Variants in UBN2 observed in about 807,000 individuals in gnomAD.
UBN2 encodes ubinuclein-2.
Under a neutral mutation model 120.2 loss-of-function variants are expected in UBN2, and 35 were observed. The observed-to-expected ratio is 0.29, with a 90% CI of 0.22 to 0.39. The LOEUF (loss-of-function observed/expected upper bound fraction) is 0.39. Among genes scored for constraint, UBN2 ranks in the 10% least tolerant of loss-of-function variants. UBN2 has a pLI of 1.00. For missense variants in UBN2, 1,693 were observed against 1,663.2 expected (o/e 1.02, Z -0.31); for synonymous variants, 661 against 648.7 (o/e 1.02, Z -0.29).
chr7:139,237,546 C>T (rs755888039), intron 2 of UBN2, among the ~76,000 whole-genome samples: 9 of 152,038 alleles, frequency 5.9e-5, no homozygotes, highest in African/African-American at 9.7e-5. Context: ...TCCATCCTGC[C>T]AAGTAGCCAT....
chr7:139,276,516 C>G (rs1334650499), intron 12 of UBN2: 1 of 244,966 alleles, frequency 4.1e-6, no homozygotes, highest in East Asian at 1.1e-4. Context: ...GATCCATATG[C>G]ACACCCACCC....
At chr7:139,273,703 A>G (rs1797357679) in intron 10 of UBN2, among the ~76,000 whole-genome samples, 1 of 152,192 alleles carries the variant, frequency 6.6e-6, no homozygotes, top group African/African-American at 2.4e-5. Context: ...ATCTTTCTCA[A>G]TAGTATTTCT....
At position 139,304,329 on chromosome 7, in the gene UBN2, A is replaced by C. The variant is rs1259668036; in HGVS notation, c.*6493A>C. ...CTTTCTAACTGGGTCGGGGTGGGGA[A>C]GGTCAGGGTAGAAGGAAACATGTTT... On this transcript the variant is annotated 3_prime_UTR_variant, in exon 18 of 18. Coordinates refer to ENST00000473989, the MANE Select transcript of UBN2 (RefSeq NM_173569.4). 6.6e-6 allele frequency: 1 copy of C among 152,152 alleles called. No individual in the cohort carries two copies. Among genetic ancestry groups the C allele is most frequent in the African/African-American group, 2.4e-5 (1 of 41,444 alleles). 9.4% of individuals were successfully genotyped at this position (152,152 alleles called of 1,614,324 possible).
At chr7:139,239,799 C>T (rs1796266008) in intron 2 of UBN2, among the ~76,000 whole-genome samples, 1 of 152,124 alleles carries the variant, frequency 6.6e-6, no homozygotes, top group African/African-American at 2.4e-5. Context: ...TTAGGTAATC[C>T]ACCGCCTTGG....
chr7:139,277,276 G>A lies in UBN2; in HGVS notation c.2024+1129G>A, dbSNP rs1045711750. 12 of 152,232 alleles carry A rather than the reference G, an allele frequency of 7.9e-5. No homozygotes were observed. In the East Asian group the frequency reaches 2.1e-3, roughly 27 times the overall value. 9.4% of individuals were successfully genotyped at this position (152,232 alleles called of 1,614,324 possible). A position where few individuals can be genotyped will look rare whatever the true frequency, so the allele number is the denominator to read the frequency against. The stretch of plus-strand genomic sequence containing the variant: ...TTACGGTTGACCCTTGGAACAACAC[G>A]GGAGTTAGGGATTTCACCCCCTCAT... On this transcript the variant is annotated intron_variant, in intron 12 of 17. Transcript: ENST00000473989.
At chr7:139,287,717 A>G (rs1196487530) in intron 15 of UBN2, among the ~76,000 whole-genome samples, 3 of 150,252 alleles carry the variant, frequency 2.0e-5, no homozygotes, top group Admixed American at 1.3e-4. Flanking sequence ...AGAAAAGATT[A>G]ATAATTGAAT....
chr7:139,278,690 GT>G (rs1167541202), intron 12 of UBN2, among the ~76,000 whole-genome samples: 2 of 151,740 alleles, frequency 1.3e-5, no homozygotes, highest in Non-Finnish European at 2.9e-5. Flanking sequence ...CAAGATTCTT[GT>G]TAATCTAATT....
At chr7:139,326,676 C>T in the UBN2 span, among the ~76,000 whole-genome samples, 123 of 152,340 alleles carry the variant, frequency 8.1e-4, no homozygotes, top group African/African-American at 2.7e-3. Flanking sequence ...GAAGCCAAGA[C>T]ATGGGCACAT....
intron 8 of UBN2, among the ~76,000 whole-genome samples, chr7:139,271,013 C>T (rs1017969945): frequency 2.0e-5 from 3 of 151,998 alleles, no homozygotes; most frequent in Admixed American, 6.6e-5. Flanking sequence ...AACTCCCGAC[C>T]TCAGGTGATC....
intron 6 of UBN2, among the ~76,000 whole-genome samples, chr7:139,262,704 A>G (rs1356845204): frequency 6.9e-6 from 1 of 144,280 alleles, no homozygotes; most frequent in African/African-American, 2.5e-5. Context: ...ACAGAGCAAG[A>G]CTCCATCTCA....
Position 139,251,978 on chromosome 7 carries a change from G to C in UBN2, c.584G>C (p.Arg195Pro). 1 of 1,614,066 alleles carries C rather than the reference G, an allele frequency of 6.2e-7. No individual in the cohort carries two copies. Among genetic ancestry groups the C allele is most frequent in the Non-Finnish European group, 8.5e-7 (1 of 1,179,972 alleles). ...CAGGGTGGGAAACCCCGTAAACACC[G>C]GAAGGATCGGCTACAAGATTTAATT... ...MKYGGKPRKHRKDRLQDLIDI... is the reference protein window; with the variant it reads ...MKYGGKPRKHPKDRLQDLIDI... The change falls in exon 3 of 18, where the codon CGG (arginine) becomes CCG (proline). Residue 195 changes from arginine (R) to proline (P), a missense_variant. Coordinates refer to ENST00000473989, the MANE Select transcript of UBN2 (RefSeq NM_173569.4).
intron 8 of UBN2, among the ~76,000 whole-genome samples, chr7:139,271,437 T>C (rs987778186): frequency 2.0e-5 from 3 of 151,942 alleles, no homozygotes; most frequent in Admixed American, 2.0e-4. Context: ...AATAGAAATA[T>C]TTGTTGGGTG....
At chr7:139,238,369 T>C (rs1796220150) in intron 2 of UBN2, among the ~76,000 whole-genome samples, 1 of 152,182 alleles carries the variant, frequency 6.6e-6, no homozygotes, top group African/African-American at 2.4e-5. Context: ...GGCCATACTT[T>C]GCCATCTGCT....
intron 15 of UBN2, among the ~76,000 whole-genome samples, chr7:139,285,023 T>G (rs915813241): frequency 4.6e-5 from 7 of 152,236 alleles, no homozygotes; most frequent in African/African-American, 1.4e-4. Context: ...TCAATCAAAT[T>G]TATACATTCA....
Position 139,284,572 on chromosome 7 carries a change from C to T in UBN2, c.3667C>T (p.Gln1223Ter), listed in dbSNP as rs1212016687. 6.2e-7 allele frequency: 1 copy of T among 1,606,820 alleles called. No individual in the cohort carries two copies. Among genetic ancestry groups the T allele is most frequent in the Non-Finnish European group, 8.5e-7 (1 of 1,177,074 alleles). Reference protein sequence around the residue: ...SGSSVVTASVQSTAGASLLAN... With the variant: ...SGSSVVTASV ...GTCTTCAGTGGTAACAGCCAGTGTG[C>T]AGGTATGTATGTTCTGTACGTCCAT... The change falls in exon 15 of 18, where the codon CAG becomes TAG. Residue 1223 changes from glutamine (Q) to a stop codon, truncating the protein, a stop_gained and splice_region_variant. Coordinates refer to ENST00000473989, the MANE Select transcript of UBN2 (RefSeq NM_173569.4). LOFTEE classifies it high-confidence loss of function.
chr7:139,271,506 A>G (rs570194751), intron 8 of UBN2, among the ~76,000 whole-genome samples: 8 of 152,164 alleles, frequency 5.3e-5, no homozygotes, highest in African/African-American at 1.9e-4. Context: ...TAATCACTTG[A>G]ACCCAGAAGG....
intron 15 of UBN2, among the ~76,000 whole-genome samples, chr7:139,289,018 A>T (rs972983804): frequency 1.3e-5 from 2 of 151,780 alleles, no homozygotes; most frequent in Admixed American, 6.6e-5. Flanking sequence ...AAAAAAAAAA[A>T]AATTAATGCC....
chr7:139,322,580 A>G, the UBN2 span, among the ~76,000 whole-genome samples: 1 of 143,394 alleles, frequency 7.0e-6, no homozygotes, highest in Non-Finnish European at 1.5e-5. Flanking sequence ...GAGACGTTTC[A>G]TTGGAACTTT....
At chr7:139,323,804 G>A in the UBN2 span, among the ~76,000 whole-genome samples, 3 of 151,900 alleles carry the variant, frequency 2.0e-5, no homozygotes, top group Non-Finnish European at 4.4e-5. Context: ...TGGCCAGGCT[G>A]GTCTCGAATG....
Sources: gnomAD v4.1 joint callset for allele counts (sites outside exome capture counted in the v4.1 genomes callset) on GRCh38, gnomAD v4.1.1 for gene constraint, MANE v1.5 for transcripts, NCBI Gene and HGNC (gene_info 2026-07-23, HGNC 2026-07-21) for gene names.